The following ASIC2 variants were observed in gnomAD, a reference collection of about 807,000 sequenced individuals.
ASIC2 encodes the protein acid sensing ion channel subunit 2.
Under a neutral mutation model 57.3 loss-of-function variants are expected in ASIC2, and 25 were observed. That is an observed-to-expected ratio of 0.44 (90% CI 0.32 to 0.61). ASIC2 has a LOEUF of 0.61. Ranked by LOEUF, ASIC2 falls within the 20% of genes least tolerant of loss-of-function variation. ASIC2 has a pLI of 0.06. For missense variants in ASIC2, 641 were observed against 738.1 expected (o/e 0.87, Z 1.52); for synonymous variants, 319 against 307.5 (o/e 1.04, Z -0.39).
In ASIC2 at chr17:33,970,634, T is replaced by C. The variant is rs191052402; in HGVS notation, c.555+185344A>G. On this transcript the variant is annotated intron_variant, in intron 1 of 9. Coordinates refer to the ASIC2 transcript ENST00000359872. ...GAGGAGGATTTATCAGACCAGCCCC[T>C]AACACAGACCCAGGGAGATTTAAGG... Among the ~76,000 whole-genome samples the C allele has an allele frequency of 1.8e-3, 275 of 152,310 alleles. 4 individuals carry two copies. The highest frequency in any genetic ancestry group is 6.4e-3 in the African/African-American group (265 of 41,578).
At chr17:33,297,383 T>C (rs1905760302), upstream of ASIC2, among the ~76,000 whole-genome samples, 1 of 152,092 alleles carries the variant, frequency 6.6e-6, no homozygotes, top group Admixed American at 6.6e-5. Flanking sequence ...CTCTTGACCG[T>C]CCCCTTGCTT....
At chr17:33,601,847 CA>C (rs1251984718) in intron 1 of ASIC2, among the ~76,000 whole-genome samples, 2 of 152,242 alleles carry the variant, frequency 1.3e-5, no homozygotes, top group Non-Finnish European at 2.9e-5. Flanking sequence ...GACATGGAGT[CA>C]AAGCAGATTA....
rs2141977305 is a variant in ASIC2 at position 33,101,172 on chromosome 17, G to C, written c.859+10745C>G. Among the ~76,000 whole-genome samples the C allele has an allele frequency of 2.6e-5, 4 of 152,276 alleles. No individual in the cohort carries two copies. In the Middle Eastern group the frequency reaches 0.01, roughly 388 times the overall value. On this transcript the variant is annotated intron_variant, in intron 2 of 9. Coordinates refer to ENST00000225823, the MANE Select transcript of ASIC2 (RefSeq NM_183377.2). ...GGAGCTCCTTAGGACCTGGCACCAT[G>C]ACAAGAGGTTTTCCTGGGAGCAGAG...
intron 1 of ASIC2, among the ~76,000 whole-genome samples, chr17:33,905,181 G>A (rs1172811638): frequency 2.1e-5 from 2 of 93,584 alleles, no homozygotes; most frequent in East Asian, 6.1e-4. Context: ...TAGCGTTCTT[G>A]CCTTAGGAAA....
At chr17:33,456,875 G>A (rs1056271676) in intron 1 of ASIC2, among the ~76,000 whole-genome samples, 1 of 152,206 alleles carries the variant, frequency 6.6e-6, no homozygotes, top group Admixed American at 6.5e-5. Context: ...AATGGGGATA[G>A]TACGAGTACT....
At chr17:33,025,337 C>T (rs548180756) in intron 5 of ASIC2, among the ~76,000 whole-genome samples, 6 of 152,334 alleles carry the variant, frequency 3.9e-5, no homozygotes, top group African/African-American at 1.4e-4. Context: ...CAGAGGTCTT[C>T]TAACTGGCAG....
chr17:33,421,401 TCTC>T (rs1911038362), intron 1 of ASIC2, among the ~76,000 whole-genome samples: 1 of 152,162 alleles, frequency 6.6e-6, no homozygotes, highest in Non-Finnish European at 1.5e-5. Flanking sequence ...GGAAGTCAGT[TCTC>T]CTCTGTAAGC....
At chr17:33,790,791 C>A (rs546932929) in intron 1 of ASIC2, among the ~76,000 whole-genome samples, 1 of 152,060 alleles carries the variant, frequency 6.6e-6, no homozygotes, top group Non-Finnish European at 1.5e-5. Context: ...ATGATGATGA[C>A]GATCTAACAA....
chr17:33,838,971 T>C (rs1052323774), intron 1 of ASIC2, among the ~76,000 whole-genome samples: 1 of 152,158 alleles, frequency 6.6e-6, no homozygotes, highest in Admixed American at 6.5e-5. Flanking sequence ...TTTGTAGGTG[T>C]AAGGAGGGGC....
At chr17:33,632,590 T>C (rs552027229) in intron 1 of ASIC2, among the ~76,000 whole-genome samples, 1 of 152,150 alleles carries the variant, frequency 6.6e-6, no homozygotes, top group East Asian at 1.9e-4. Context: ...CACTCTTTGA[T>C]TTTTATTTAT....
chr17:34,145,509 T>C (rs35423619), intron 1 of ASIC2, among the ~76,000 whole-genome samples: 3,404 of 152,326 alleles, frequency 0.022, 116 homozygotes, highest in African/African-American at 0.076. Flanking sequence ...TTGTCTGGCC[T>C]CAGCTAGAGC....
chr17:33,039,701 A>C (rs2091922764), intron 3 of ASIC2, among the ~76,000 whole-genome samples: 1 of 152,176 alleles, frequency 6.6e-6, no homozygotes, highest in Non-Finnish European at 1.5e-5. Context: ...CCACTCACCC[A>C]AAGCATTAGA....
intron 1 of ASIC2, among the ~76,000 whole-genome samples, chr17:33,799,413 TTCTTTCTTTCTTTC>T (rs1567718980): frequency 1.5e-4 from 10 of 67,204 alleles, no homozygotes; most frequent in South Asian, 7.7e-4. Flanking sequence ...TTTTCTTTCT[TTCTTTCTTTCTTTC>T]TTCTTTCTTT....
At chr17:33,917,600 T>C (rs573981001) in intron 1 of ASIC2, among the ~76,000 whole-genome samples, 6 of 152,156 alleles carry the variant, frequency 3.9e-5, no homozygotes, top group Non-Finnish European at 8.8e-5. Context: ...ACACTCCGGT[T>C]TCTTCTTCTT....
chr17:33,209,790 T>A lies in ASIC2; in HGVS notation c.708+81618A>T, dbSNP rs114929613. 3.8e-3 allele frequency among the ~76,000 whole-genome samples: 580 copies of A among 152,334 alleles called. 8 individuals carry two copies. The highest frequency in any genetic ancestry group is 0.011 in the African/African-American group (465 of 41,578). ...AATGAATGCATGAACATAGCCAGTG[T>A]CCTTAGACTGAGTTTCCTGAATCCC... On this transcript the variant is annotated intron_variant, in intron 1 of 9. Transcript: ENST00000225823.
chr17:34,054,734 AAGG>A (rs959705613), intron 1 of ASIC2, among the ~76,000 whole-genome samples: 29 of 152,216 alleles, frequency 1.9e-4, no homozygotes, highest in African/African-American at 7.0e-4. Flanking sequence ...CTCAGGGCTG[AAGG>A]AGATGACATA....
At chr17:33,067,242 G>A (rs1436304151) in intron 3 of ASIC2, among the ~76,000 whole-genome samples, 1 of 152,208 alleles carries the variant, frequency 6.6e-6, no homozygotes, top group Non-Finnish European at 1.5e-5. Flanking sequence ...TCTGAGTCAA[G>A]AGACATCTGT....
At chr17:33,245,664 C>T (rs1351826620) in intron 1 of ASIC2, among the ~76,000 whole-genome samples, 2 of 152,118 alleles carry the variant, frequency 1.3e-5, no homozygotes, top group South Asian at 4.1e-4. Flanking sequence ...GGCTGCTGAG[C>T]TGGGGTCCTC....
intron 1 of ASIC2, among the ~76,000 whole-genome samples, chr17:33,495,357 T>C (rs1913894077): frequency 6.6e-6 from 1 of 152,228 alleles, no homozygotes; most frequent in Admixed American, 6.5e-5. Flanking sequence ...GCATTCGTCC[T>C]GGTCCTGGGC....
Sources: allele counts gnomAD v4.1 joint callset (sites outside exome capture counted in the v4.1 genomes callset), GRCh38; gene constraint gnomAD v4.1.1; transcripts MANE v1.5; gene names NCBI Gene and HGNC (gene_info 2026-07-23, HGNC 2026-07-21).